TTLL7: variants seen among roughly 807,000 people sequenced by gnomAD.
The protein encoded by TTLL7 is tubulin polyglutamylase TTLL7.
TTLL7 carries 53 observed loss-of-function variants against 120.2 expected under a neutral mutation model. That is an observed-to-expected ratio of 0.44 (90% CI 0.35 to 0.55). The LOEUF is 0.55. Ranked by LOEUF, TTLL7 falls within the 20% of genes least tolerant of loss-of-function variation. The pLI, the probability that TTLL7 is intolerant of heterozygous loss-of-function variation, is 0.00. For synonymous variants in TTLL7, 353 were observed against 351.7 expected, an observed-to-expected ratio of 1.00 and a Z score of -0.04; for missense variants, 803 against 1,054.7, an observed-to-expected ratio of 0.76 and a Z score of 3.31.
rs772941366 is a variant in TTLL7, at chr1:83,890,490, A to G, written c.2209-9T>C. 1 of 1,604,400 alleles carries G rather than the reference A, an allele frequency of 6.2e-7. No individual in the cohort carries two copies. Among genetic ancestry groups the G allele is most frequent in the Non-Finnish European group, 8.5e-7 (1 of 1,175,722 alleles). Reference sequence around the variant, plus strand: ...TTCACTATGTCCAAAACCTAGTGGAAAAACCAAAGTACTTACAATCTAGGA... The same window carrying G: ...TTCACTATGTCCAAAACCTAGTGGAGAAACCAAAGTACTTACAATCTAGGA... On this transcript the variant is annotated splice_polypyrimidine_tract_variant and intron_variant, in intron 18 of 20. Coordinates refer to ENST00000260505, the MANE Select transcript of TTLL7 (RefSeq NM_024686.6).
intron 18 of TTLL7, among the ~76,000 whole-genome samples, chr1:83,895,953 C>T (rs1248093864): frequency 6.6e-6 from 1 of 152,010 alleles, no homozygotes; most frequent in South Asian, 2.1e-4. Flanking sequence ...GTTTAGAAGG[C>T]TATACAGATG....
At chr1:83,944,396 G>A (rs1177869914) in intron 6 of TTLL7, among the ~76,000 whole-genome samples, 6 of 152,072 alleles carry the variant, frequency 3.9e-5, no homozygotes, top group African/African-American at 1.4e-4. Context: ...CACCAGAAAG[G>A]TGACTACTCA....
rs1553128932 is a variant in TTLL7, at chr1:83,892,393, A to AATATATATGAACATATATATGAAC, written c.2209-1936_2209-1913dup. Among the ~76,000 whole-genome samples the AATATATATGAACATATATATGAAC allele has an allele frequency of 4.2e-4, 14 of 33,004 alleles. 3 individuals are homozygous for AATATATATGAACATATATATGAAC. The highest frequency in any genetic ancestry group is 1.7e-3 in the African/African-American group (13 of 7,552). 21.7% of individuals were successfully genotyped at this position (33,004 alleles called of 152,430 possible). On this transcript the variant is annotated intron_variant, in intron 18 of 20. Coordinates refer to ENST00000260505, the MANE Select transcript of TTLL7 (RefSeq NM_024686.6). Reference sequence around the variant, plus strand: ...ACGAATATATATGAATATATATACGAATATATATGAACATATATATGAACA... The same window carrying AATATATATGAACATATATATGAAC: ...ACGAATATATATGAATATATATACGAATATATATGAACATATATATGAACATATATATGAACATATATATGAACA...
intron 1 of TTLL7, among the ~76,000 whole-genome samples, chr1:83,955,796 C>T (rs1649457117): frequency 6.6e-6 from 1 of 152,126 alleles, no homozygotes; most frequent in Non-Finnish European, 1.5e-5. Flanking sequence ...AGGAGGATCA[C>T]TTGAGACCAG....
At chr1:83,979,113 T>C (rs1028375936) in intron 1 of TTLL7, 2 of 152,074 alleles carry the variant, frequency 1.3e-5, no homozygotes, top group South Asian at 2.1e-4. Flanking sequence ...ACGAAGACCA[T>C]GGTATTGCAT....
intron 1 of TTLL7, among the ~76,000 whole-genome samples, chr1:83,966,141 C>T (rs962281374): frequency 6.6e-6 from 1 of 151,934 alleles, no homozygotes; most frequent in Non-Finnish European, 1.5e-5. Context: ...AGATGACTCT[C>T]CATAAATAAT....
chr1:83,900,519 G>A (rs1167795704), intron 18 of TTLL7, among the ~76,000 whole-genome samples: 2 of 151,922 alleles, frequency 1.3e-5, no homozygotes, highest in Admixed American at 6.6e-5. Context: ...GTAAAGAAGG[G>A]ATTCTAGTCA....
chr1:83,957,095 A>G (rs941028198), intron 1 of TTLL7, among the ~76,000 whole-genome samples: 1 of 152,272 alleles, frequency 6.6e-6, no homozygotes, highest in Admixed American at 6.5e-5. Context: ...CTATCCTTTA[A>G]TTTTCCACTT....
At chr1:83,985,917 G>A (rs1652396413) in intron 1 of TTLL7, among the ~76,000 whole-genome samples, 1 of 152,124 alleles carries the variant, frequency 6.6e-6, no homozygotes, top group South Asian at 2.1e-4. Context: ...TTCTGATTTT[G>A]TCATTAAATA....
chr1:83,891,510 G>A (rs1655463475), intron 18 of TTLL7, among the ~76,000 whole-genome samples: 1 of 151,996 alleles, frequency 6.6e-6, no homozygotes, highest in Admixed American at 6.6e-5. Context: ...TTTGGAGTTT[G>A]GTATTATCTC....
At chr1:83,906,619 T>C (rs1195716853) in intron 16 of TTLL7, 156 bp from the exon 17 acceptor site, 1 of 950,178 alleles carries the variant, frequency 1.1e-6, no homozygotes, top group Non-Finnish European at 1.6e-6. Flanking sequence ...GTGAATTCTT[T>C]GGATTAAATG....
At chr1:83,980,924 A>G (rs1450550140) in intron 1 of TTLL7, 1 of 152,170 alleles carries the variant, frequency 6.6e-6, no homozygotes, top group Non-Finnish European at 1.5e-5. Context: ...AAAGTAAGCT[A>G]TGATAAACTA....
intron 18 of TTLL7, among the ~76,000 whole-genome samples, chr1:83,891,483 C>T (rs1373436685): frequency 1.3e-5 from 2 of 152,024 alleles, no homozygotes; most frequent in Non-Finnish European, 2.9e-5. Context: ...CAGATCGGTG[C>T]ACAAACGGGA....
At chr1:83,958,677 T>C (rs1237975496) in intron 1 of TTLL7, among the ~76,000 whole-genome samples, 1 of 152,224 alleles carries the variant, frequency 6.6e-6, no homozygotes, top group Non-Finnish European at 1.5e-5. Flanking sequence ...ATCATGCTTT[T>C]TCTCATATGA....
intron 8 of TTLL7, among the ~76,000 whole-genome samples, chr1:83,934,641 T>A (rs1431972183): frequency 6.6e-6 from 1 of 152,206 alleles, no homozygotes; most frequent in African/African-American, 2.4e-5. Flanking sequence ...GAATAAGCTG[T>A]AGGAGAAAAG....
intron 18 of TTLL7, among the ~76,000 whole-genome samples, chr1:83,893,666 A>G (rs1557573390): frequency 6.9e-6 from 1 of 145,002 alleles, no homozygotes; most frequent in South Asian, 2.1e-4. Flanking sequence ...GCAAATTTAA[A>G]CATTTGTTTA....
chr1:83,967,166 GT>G (rs1557758919), intron 1 of TTLL7, among the ~76,000 whole-genome samples: 1 of 151,932 alleles, frequency 6.6e-6, no homozygotes, highest in East Asian at 1.9e-4. Flanking sequence ...ATTTGAAGAG[GT>G]TTTTTTAAGT....
intron 1 of TTLL7, among the ~76,000 whole-genome samples, chr1:83,962,591 C>T (rs1650105923): frequency 1.3e-5 from 2 of 152,080 alleles, no homozygotes; most frequent in Admixed American, 1.3e-4. Context: ...AATAAAACAC[C>T]TATTCCATTG....
rs1653048694 is a variant in TTLL7 at position 83,868,202 on chromosome 1, T to C, written c.*1760A>G. ...GCCAATTTGCCCCTCTCAGTTCTCC[T>C]GCTTTGGGGCCACTTCTTGAAATAA... On this transcript the variant is annotated 3_prime_UTR_variant, in exon 21 of 21. Transcript: ENST00000260505. 6.6e-6 allele frequency: 1 copy of C among 152,212 alleles called. No homozygotes were observed. The highest frequency in any genetic ancestry group is 1.5e-5 in the Non-Finnish European group (1 of 68,014). The allele number at this position is 152,212 out of a possible 1,614,324, so 9.4% of individuals were successfully genotyped here. A position where few individuals can be genotyped will look rare whatever the true frequency, so the allele number is the denominator to read the frequency against.
Sources: allele counts gnomAD v4.1 joint callset (sites outside exome capture counted in the v4.1 genomes callset), GRCh38; gene constraint gnomAD v4.1.1; transcripts MANE v1.5; gene names NCBI Gene and HGNC (gene_info 2026-07-23, HGNC 2026-07-21).